Variants in SLC26A5 observed in about 807,000 individuals in gnomAD.
SLC26A5 encodes prestin.
A neutral mutation model predicts 81.0 loss-of-function variants in SLC26A5; 51 were observed. The observed-to-expected ratio is 0.63, with a 90% CI of 0.50 to 0.80. The LOEUF is 0.80. Among genes scored for constraint, SLC26A5 ranks in the 30% least tolerant of loss-of-function variants. The pLI is 0.00. For missense variants in SLC26A5, 771 were observed against 905.8 expected, an observed-to-expected ratio of 0.85 and a Z score of 1.91; for synonymous variants, 325 against 332.8, an observed-to-expected ratio of 0.98 and a Z score of 0.25.
rs1824199540 is a variant in SLC26A5 at position 103,408,072 on chromosome 7, C to T, written c.736-69G>A. The T allele has an allele frequency of 1.9e-5, 30 of 1,566,820 alleles. 1 individual carries two copies. The highest frequency in any genetic ancestry group is 5.4e-5 in the African/African-American group (4 of 73,926). On this transcript the variant is annotated intron_variant, in intron 7 of 19. Transcript: ENST00000306312. ...CCTGAGAGAGACAGAGACACTCTAG[C>T]GCACTAATTCACACCAGCCATTCCG...
chr7:103,407,120 ACT>A (rs1824120777), intron 8 of SLC26A5, among the ~76,000 whole-genome samples: 2 of 152,352 alleles, frequency 1.3e-5, no homozygotes, highest in South Asian at 4.1e-4. Context: ...CAGTTTGAAC[ACT>A]GTGTTCCTTT....
intron 19 of SLC26A5, among the ~76,000 whole-genome samples, chr7:103,360,021 C>A (rs1018419116): frequency 6.6e-6 from 1 of 151,208 alleles, no homozygotes; most frequent in Non-Finnish European, 1.5e-5. Flanking sequence ...GCGGAAGTTG[C>A]AGTGAGTCAA....
chr7:103,404,898 T>G (rs372286214), intron 8 of SLC26A5, among the ~76,000 whole-genome samples: 1 of 152,062 alleles, frequency 6.6e-6, no homozygotes, highest in African/African-American at 2.4e-5. Flanking sequence ...TCTTTTTTTT[T>G]CCTCTAATCT....
At chr7:103,397,841 T>G in intron 9 of SLC26A5, 91 bp downstream of exon 9, 1 of 981,344 alleles carries the variant, frequency 1.0e-6, no homozygotes, top group East Asian at 2.4e-5. Context: ...AAAAAGATTA[T>G]TTTTCATTGC....
intron 19 of SLC26A5, among the ~76,000 whole-genome samples, chr7:103,354,420 G>C (rs991732025): frequency 1.3e-5 from 2 of 148,338 alleles, no homozygotes; most frequent in South Asian, 2.1e-4. Flanking sequence ...CCAGGCTGGA[G>C]TGCAATGGCG....
At chr7:103,401,980 G>A (rs537704081) in intron 8 of SLC26A5, among the ~76,000 whole-genome samples, 51 of 152,178 alleles carry the variant, frequency 3.4e-4, no homozygotes, top group African/African-American at 1.2e-3. Context: ...GAGGATTTTC[G>A]CATCGATATT....
intron 2 of SLC26A5, among the ~76,000 whole-genome samples, chr7:103,428,719 C>T (rs568790130): frequency 4.6e-5 from 7 of 152,142 alleles, no homozygotes; most frequent in East Asian, 1.9e-4. Flanking sequence ...TGTGCCACTA[C>T]GCCTGGCTAA....
intron 19 of SLC26A5, among the ~76,000 whole-genome samples, chr7:103,362,954 C>T (rs1820500561): frequency 6.6e-6 from 1 of 152,006 alleles, no homozygotes; most frequent in Non-Finnish European, 1.5e-5. Context: ...CCACCACGCC[C>T]AGCTAATTTT....
chr7:103,380,093 C>T (rs1204758750), intron 15 of SLC26A5, among the ~76,000 whole-genome samples: 1 of 152,044 alleles, frequency 6.6e-6, no homozygotes, highest in African/African-American at 2.4e-5. Context: ...TAATTTTAAC[C>T]ATTCAAATGA....
At chr7:103,403,357 G>A (rs561480621) in intron 8 of SLC26A5, among the ~76,000 whole-genome samples, 10 of 152,296 alleles carry the variant, frequency 6.6e-5, no homozygotes, top group Admixed American at 6.5e-4. Context: ...TTGATTTGGG[G>A]TGAAGAGTTC....
At chr7:103,374,125 A>T, downstream of SLC26A5, 2 of 1,145,630 alleles carry the variant, frequency 1.7e-6, no homozygotes, top group Non-Finnish European at 2.2e-6. Flanking sequence ...ACTGAAATAA[A>T]TTTTTCGATG....
chr7:103,423,407 A>G (rs372667090), intron 2 of SLC26A5, among the ~76,000 whole-genome samples: 5 of 152,326 alleles, frequency 3.3e-5, no homozygotes, highest in Admixed American at 2.0e-4. Context: ...AGCAAATGCA[A>G]CCAAGTACCA....
chr7:103,360,147 C>A (rs1038296937), intron 19 of SLC26A5, among the ~76,000 whole-genome samples: 1 of 151,676 alleles, frequency 6.6e-6, no homozygotes, highest in South Asian at 2.1e-4. Context: ...TTTCTATTGA[C>A]TGATTTTTTT....
chr7:103,399,832 G>A (rs537700767), intron 8 of SLC26A5, among the ~76,000 whole-genome samples: 1 of 152,270 alleles, frequency 6.6e-6, no homozygotes, highest in South Asian at 2.1e-4. Flanking sequence ...TTGGTTTTCT[G>A]TTCCTGTGTT....
intron 8 of SLC26A5, 109 bp downstream of exon 8, chr7:103,407,742 T>C (rs1022678019): frequency 4.6e-5 from 58 of 1,261,066 alleles, no homozygotes; most frequent in Non-Finnish European, 6.1e-5. Context: ...AACCTTCTTT[T>C]GGCAGAATTG....
intron 1 of SLC26A5, among the ~76,000 whole-genome samples, chr7:103,443,821 C>T (rs950665586): frequency 3.3e-5 from 5 of 152,186 alleles, no homozygotes; most frequent in African/African-American, 4.8e-5. Context: ...TCTACCTATC[C>T]TCTGACTAAT....
At chr7:103,441,877 C>T (rs1309490285) in intron 2 of SLC26A5, among the ~76,000 whole-genome samples, 2 of 152,158 alleles carry the variant, frequency 1.3e-5, no homozygotes, top group Non-Finnish European at 2.9e-5. Flanking sequence ...ATGGCTTCAT[C>T]TGGACTGCTT....
At chr7:103,418,410 A>T (rs1825087937) in intron 4 of SLC26A5, among the ~76,000 whole-genome samples, 1 of 152,154 alleles carries the variant, frequency 6.6e-6, no homozygotes, top group Admixed American at 6.5e-5. Flanking sequence ...GTCAGCAGTC[A>T]TTCCTGCAGC....
At chr7:103,427,754 T>C (rs1348290486) in intron 2 of SLC26A5, among the ~76,000 whole-genome samples, 3 of 152,144 alleles carry the variant, frequency 2.0e-5, no homozygotes, top group Admixed American at 6.5e-5. Flanking sequence ...TACGTTGTTA[T>C]GGCAGGGTCA....
Sources: allele counts gnomAD v4.1 joint callset (sites outside exome capture counted in the v4.1 genomes callset), GRCh38; gene constraint gnomAD v4.1.1; transcripts MANE v1.5; gene names NCBI Gene and HGNC (gene_info 2026-07-23, HGNC 2026-07-21).